Variants in INSR observed in about 807,000 individuals in gnomAD.
INSR encodes insulin receptor.
A neutral mutation model predicts 142.6 loss-of-function variants in INSR; 67 were observed. That is an observed-to-expected ratio of 0.47 (90% CI 0.39 to 0.58). The LOEUF is 0.58. Ranked by LOEUF, INSR falls within the 20% of genes least tolerant of loss-of-function variation. INSR has a pLI of 0.00. For synonymous variants in INSR, 756 were observed against 743.1 expected (o/e 1.02, Z -0.28); for missense variants, 1,248 against 1,833.2 (o/e 0.68, Z 5.83).
At chr19:7,200,410 G>T (rs1158867204) in intron 2 of INSR, among the ~76,000 whole-genome samples, 1 of 152,168 alleles carries the variant, frequency 6.6e-6, no homozygotes, top group Non-Finnish European at 1.5e-5. Flanking sequence ...GACAATCTGG[G>T]TTTGAGGTGT....
In INSR at chr19:7,119,510, C is replaced by T; in HGVS notation, c.3733G>A (p.Val1245Met). 1 of 1,614,178 alleles carries T rather than the reference C, an allele frequency of 6.2e-7. No individual in the cohort carries two copies. Among genetic ancestry groups the T allele is most frequent in the Non-Finnish European group, 8.5e-7 (1 of 1,180,030 alleles). The change falls in exon 21 of 22, where the codon GTG (valine) becomes ATG (methionine). Residue 1245 changes from valine (V) to methionine (M), a missense_variant. Coordinates refer to ENST00000302850, the MANE Select transcript of INSR (RefSeq NM_000208.4). This position sits in a 1 kb window ranked among gnomAD's most constrained non-coding sequence, Gnocchi z 5.2. The part of the protein sequence containing the change: ...QPYQGLSNEQ[V>M]LKFVMDGGYL... The stretch of plus-strand genomic sequence containing the variant: ...CCTCCATCCATGACAAATTTCAACA[C>T]CTGTTCATTAGACAGGCCTTGGTAA...
In INSR at chr19:7,150,165, C is replaced by T. The variant is rs1192045304; in HGVS notation, c.2267+332G>A. On this transcript the variant is annotated intron_variant, in intron 11 of 21. Coordinates refer to ENST00000302850, the MANE Select transcript of INSR (RefSeq NM_000208.4). The surrounding 1 kb of genome is among the most constrained non-coding windows in gnomAD (Gnocchi z 4.2). ...CTCAGACTCCGGGGACCCCCACCCACCTCTGCAAATGCACGCGGGAGGTGC... is the reference window on the plus strand; with the variant it reads ...CTCAGACTCCGGGGACCCCCACCCATCTCTGCAAATGCACGCGGGAGGTGC... 3.9e-5 allele frequency among the ~76,000 whole-genome samples: 6 copies of T among 152,150 alleles called. No individual in the cohort carries two copies. The highest frequency in any genetic ancestry group is 3.9e-4 in the Admixed American group (6 of 15,276).
chr19:7,178,111 G>T (rs1974182624), intron 3 of INSR, among the ~76,000 whole-genome samples: 1 of 151,894 alleles, frequency 6.6e-6, no homozygotes, highest in Non-Finnish European at 1.5e-5. Context: ...AGTGATTTTT[G>T]TGACTGTAGG....
chr19:7,241,650 G>T (rs1048314177), intron 2 of INSR, among the ~76,000 whole-genome samples: 2 of 151,992 alleles, frequency 1.3e-5, no homozygotes, highest in African/African-American at 4.8e-5. Flanking sequence ...AAATCAGCTG[G>T]GCATGGTGGC....
rs67288807 is a variant in INSR, at chr19:7,225,701, C to CA, written c.653-41065_653-41064insT. The stretch of plus-strand genomic sequence containing the variant: ...ATGATGGGCTCTTGGTTTCCATTTC[C>CA]CCCCCCTCAAAAAAAGAGCAGAGAA... On this transcript the variant is annotated intron_variant, in intron 2 of 21. Transcript: ENST00000302850. The surrounding 1 kb of genome is among the most constrained non-coding windows in gnomAD (Gnocchi z 4.7). Among the ~76,000 whole-genome samples, 3 of 120,530 alleles carry CA rather than the reference C, an allele frequency of 2.5e-5. No homozygotes were observed. The highest frequency in any genetic ancestry group is 3.5e-5 in the Non-Finnish European group (2 of 57,518). The allele number at this position is 120,530 out of a possible 152,430, so 79.1% of individuals were successfully genotyped here.
intron 1 of INSR, among the ~76,000 whole-genome samples, chr19:7,270,339 T>TCTCACACACACACACACA (rs1414011806): frequency 8.3e-6 from 1 of 120,312 alleles, no homozygotes; most frequent in East Asian, 2.1e-4. Flanking sequence ...TCTCTCTCTC[T>TCTCACACACACACACACA]CACACACACA....
At chr19:7,212,688 C>T (rs1041618694) in intron 2 of INSR, among the ~76,000 whole-genome samples, 19 of 152,032 alleles carry the variant, frequency 1.2e-4, no homozygotes, top group African/African-American at 4.3e-4. Context: ...CGGGTTCAAG[C>T]GATTCTCCTG....
intron 9 of INSR, 138 bp from the exon 10 acceptor site, chr19:7,153,065 A>C (rs972333171): frequency 2.6e-5 from 10 of 383,240 alleles, no homozygotes; most frequent in East Asian, 7.2e-5. Context: ...ACACACACAC[A>C]CCACACACAT....
intron 1 of INSR, among the ~76,000 whole-genome samples, chr19:7,276,416 T>C (rs7507622): frequency 0.33 from 50,453 of 151,246 alleles, 9,475 homozygotes; most frequent in Non-Finnish European, 0.43. Flanking sequence ...GTGCTGGGAG[T>C]ATGGGTGTGA....
intron 11 of INSR, among the ~76,000 whole-genome samples, chr19:7,145,864 C>T (rs551520822): frequency 1.9e-3 from 287 of 152,298 alleles, no homozygotes; most frequent in Non-Finnish European, 3.4e-3. Context: ...TGAGATGGGG[C>T]TTCCTTGTTT....
chr19:7,146,465 C>T (rs773806569), intron 11 of INSR, among the ~76,000 whole-genome samples: 25 of 152,124 alleles, frequency 1.6e-4, no homozygotes, highest in Middle Eastern at 3.4e-3. Context: ...TGTTCTCAAT[C>T]TCTTGACCTT....
intron 2 of INSR, among the ~76,000 whole-genome samples, chr19:7,214,754 G>A (rs1158498710): frequency 6.6e-6 from 1 of 152,062 alleles, no homozygotes; most frequent in Non-Finnish European, 1.5e-5. Flanking sequence ...GAGATGTTCA[G>A]TAGTTCCAAA....
At chr19:7,220,494 G>A (rs1235329150) in intron 2 of INSR, among the ~76,000 whole-genome samples, 4 of 152,204 alleles carry the variant, frequency 2.6e-5, no homozygotes, top group Admixed American at 1.3e-4. Context: ...TCGCCATGTT[G>A]GCCAGGCTGG....
In INSR at chr19:7,267,296, C is replaced by A. The variant is rs75197460; in HGVS notation, c.652+49G>T. 3.7e-3 allele frequency: 5,862 copies of A among 1,592,578 alleles called. 211 individuals are homozygous for A. The African/African-American group carries it at 0.068, about 18-fold the overall frequency. On this transcript the variant is annotated intron_variant, in intron 2 of 21. Coordinates refer to ENST00000302850, the MANE Select transcript of INSR (RefSeq NM_000208.4). The surrounding 1 kb of genome is among the most constrained non-coding windows in gnomAD (Gnocchi z 6.3). Reference sequence around the variant, plus strand: ...TAAGCCATAAAACATTTTAAGCTTTCTAGAACAAGGCACGAGACACTGCTT... The same window carrying A: ...TAAGCCATAAAACATTTTAAGCTTTATAGAACAAGGCACGAGACACTGCTT...
Position 7,294,082 on chromosome 19 carries a change from C to A in INSR, c.-191G>T. ...GCCCCGGGAAGGGCGCGCGCGGCTT[C>A]GCCAGCTACAAATACTGAGCGGAGG... On this transcript the variant is annotated 5_prime_UTR_variant, in exon 1 of 22. Coordinates refer to ENST00000302850, the MANE Select transcript of INSR (RefSeq NM_000208.4). 1 of 418,962 alleles carries A rather than the reference C, an allele frequency of 2.4e-6. No individual in the cohort carries two copies. Among genetic ancestry groups the A allele is most frequent in the Non-Finnish European group, 3.4e-6 (1 of 291,024 alleles). The allele number at this position is 418,962 out of a possible 1,614,324, so 26.0% of individuals were successfully genotyped here. A position where few individuals can be genotyped will look rare whatever the true frequency, so the allele number is the denominator to read the frequency against.
chr19:7,290,765 C>CAA (rs747690908), intron 1 of INSR, among the ~76,000 whole-genome samples: 98 of 106,236 alleles, frequency 9.2e-4, no homozygotes, highest in African/African-American at 2.2e-3. Context: ...CACCCTGTCT[C>CAA]AAAAAAAAAA....
chr19:7,221,367 CTG>C lies in INSR; in HGVS notation c.653-36732_653-36731del, dbSNP rs200843175. Among the ~76,000 whole-genome samples, 1,756 of 132,406 alleles carry C rather than the reference CTG, an allele frequency of 0.013. 60 individuals are homozygous for C. In the East Asian group the frequency reaches 0.14, roughly 11 times the overall value. 86.9% of individuals were successfully genotyped at this position (132,406 alleles called of 152,430 possible). A position where few individuals can be genotyped will look rare whatever the true frequency, so the allele number is the denominator to read the frequency against. ...CGAGCCTGGGCAATAGAGTGAGACT[CTG>C]TCAAAAAAAAGGAGGAGGAGGAGGA... is the stretch of plus-strand genomic sequence containing the variant. On this transcript the variant is annotated intron_variant, in intron 2 of 21. Coordinates refer to ENST00000302850, the MANE Select transcript of INSR (RefSeq NM_000208.4).
At chr19:7,175,136 AC>A (rs1974108464) in intron 3 of INSR, among the ~76,000 whole-genome samples, 1 of 151,620 alleles carries the variant, frequency 6.6e-6, no homozygotes, top group Admixed American at 6.6e-5. Context: ...GAGCCACTGC[AC>A]CCGGCCCTTT....
In INSR at chr19:7,168,330, CCAGA is replaced by C. The variant is rs1295758452; in HGVS notation, c.1484-240_1484-237del. Among the ~76,000 whole-genome samples the C allele has an allele frequency of 2.6e-5, 4 of 152,098 alleles. No homozygotes were observed. Among genetic ancestry groups the C allele is most frequent in the African/African-American group, 9.7e-5 (4 of 41,432 alleles). On this transcript the variant is annotated intron_variant, in intron 6 of 21. Transcript: ENST00000302850. This position sits in a 1 kb window ranked among gnomAD's most constrained non-coding sequence, Gnocchi z 4.3. The stretch of plus-strand genomic sequence containing the variant: ...CACGTAAGCCAATGACTTGACTCAG[CCAGA>C]CAGTCAACTGAATAAGCGCAGTCTG...
Sources: gnomAD v4.1 joint callset for allele counts (sites outside exome capture counted in the v4.1 genomes callset) on GRCh38, gnomAD v4.1.1 for gene constraint, Gnocchi (gnomAD v3.1) non-coding constraint, MANE v1.5 for transcripts, NCBI Gene and HGNC (gene_info 2026-07-23, HGNC 2026-07-21) for gene names.